The following NIN variants were observed in gnomAD, a reference collection of about 807,000 sequenced individuals.
NIN encodes the protein glycogen synthase kinase 3 beta-interacting protein.
In NIN, 137 loss-of-function variants were observed where a neutral mutation model predicts 257.6. That is an observed-to-expected ratio of 0.53 (90% CI 0.46 to 0.61). The LOEUF (loss-of-function observed/expected upper bound fraction) is 0.61. Among genes scored for constraint, NIN ranks in the 20% least tolerant of loss-of-function variants. NIN has a pLI of 0.00. For synonymous variants in NIN, 918 were observed against 919.8 expected, an observed-to-expected ratio of 1.00 and a Z score of 0.04; for missense variants, 2,439 against 2,501.2, an observed-to-expected ratio of 0.98 and a Z score of 0.53.
At chr14:50,794,580 A>G (rs2043751690) in intron 4 of NIN, 1 of 515,118 alleles carries the variant, frequency 1.9e-6, no homozygotes, top group African/African-American at 2.1e-5. Context: ...ATATTCTTAA[A>G]TTTTGGTGGC....
chr14:50,792,636 T>C, intron 5 of NIN, 76 bp downstream of exon 5: 1 of 1,525,826 alleles, frequency 6.6e-7, no homozygotes. Context: ...CCCCCTCAGC[T>C]CCCCTGTCTC....
At chr14:50,749,159 C>T (rs1447816196) in intron 21 of NIN, among the ~76,000 whole-genome samples, 2 of 152,204 alleles carry the variant, frequency 1.3e-5, no homozygotes, top group African/African-American at 2.4e-5. Context: ...TAACACTACA[C>T]ATCTGCAACC....
At chr14:50,829,703 T>G (rs1253021574) in intron 2 of NIN, among the ~76,000 whole-genome samples, 4 of 152,374 alleles carry the variant, frequency 2.6e-5, no homozygotes, top group South Asian at 4.1e-4. Context: ...ACATGATATA[T>G]GGTAGGGCAG....
At chr14:50,765,159 C>T (rs1171812884) in intron 14 of NIN, among the ~76,000 whole-genome samples, 1 of 151,790 alleles carries the variant, frequency 6.6e-6, no homozygotes, top group South Asian at 2.1e-4. Context: ...ACTGCTTGAA[C>T]CCAGGAGGTG....
intron 2 of NIN, among the ~76,000 whole-genome samples, chr14:50,824,975 G>A (rs373101867): frequency 4.6e-5 from 7 of 152,306 alleles, no homozygotes; most frequent in South Asian, 4.1e-4. Context: ...CACAAACTTC[G>A]ACTGCATTGT....
intron 3 of NIN, among the ~76,000 whole-genome samples, chr14:50,809,382 A>G (rs371810179): frequency 6.6e-6 from 1 of 152,090 alleles, no homozygotes; most frequent in Non-Finnish European, 1.5e-5. Flanking sequence ...CATCAAAGAA[A>G]CTGATCCAGT....
At chr14:50,743,367 A>C in intron 24 of NIN, 49 bp downstream of exon 24, 2 of 1,158,812 alleles carry the variant, frequency 1.7e-6, no homozygotes, top group East Asian at 4.7e-5. Flanking sequence ...CTGTTGGAAG[A>C]TCTAGGAGAA....
rs1011627222 is a variant in NIN, at chr14:50,829,060, C to A, written c.-22+1404G>T. 3.3e-5 allele frequency among the ~76,000 whole-genome samples: 5 copies of A among 152,202 alleles called. No individual in the cohort carries two copies. The South Asian group carries it at 6.2e-4, about 19-fold the overall frequency. On this transcript the variant is annotated intron_variant, in intron 2 of 30. Coordinates refer to ENST00000530997, the MANE Select transcript of NIN (RefSeq NM_020921.4). ...CCGATGTCCAACCCTGTGGAACATTCATCCTACCTTTTCCCCACTCTGCAG... is the reference window on the plus strand; with the variant it reads ...CCGATGTCCAACCCTGTGGAACATTAATCCTACCTTTTCCCCACTCTGCAG...
In NIN at chr14:50,757,072, C is replaced by T; in HGVS notation, c.3958G>A (p.Gly1320Arg). 1 of 1,613,460 alleles carries T rather than the reference C, an allele frequency of 6.2e-7. No individual in the cohort carries two copies. Among genetic ancestry groups the T allele is most frequent in the Non-Finnish European group, 8.5e-7 (1 of 1,179,842 alleles). Residue 1320 changes from glycine (G) to arginine (R), a missense_variant, in exon 18 of 31, where the codon GGG (glycine) becomes AGG (arginine). This residue lies in a region of NIN where 2,043 missense variants were observed against 2,050.2 expected (regional missense o/e 1.00). Coordinates refer to ENST00000530997, the MANE Select transcript of NIN (RefSeq NM_020921.4). ...AGTCTCAAAACCAGAACATTCAGCC[C>T]CTCATTTTCTATTTTGACCTCATCG... ...SYDEVKIENE[G>R]LNVLVLRLQG...
At chr14:50,734,887 T>C (rs1312343784) in intron 28 of NIN, among the ~76,000 whole-genome samples, 4 of 150,600 alleles carry the variant, frequency 2.7e-5, no homozygotes, top group Middle Eastern at 3.2e-3. Flanking sequence ...GGTTTCGCCA[T>C]GTTGCCCAGG....
intron 4 of NIN, among the ~76,000 whole-genome samples, chr14:50,802,277 GTGT>G (rs1417167323): frequency 8.5e-5 from 13 of 152,228 alleles, no homozygotes; most frequent in Non-Finnish European, 1.3e-4. Context: ...ATTTTTCACT[GTGT>G]TGTTATTATT....
chr14:50,773,007 G>A lies in NIN; in HGVS notation c.755C>T (p.Ser252Phe). 6.2e-7 allele frequency: 1 copy of A among 1,613,122 alleles called. No individual in the cohort carries two copies. The highest frequency in any genetic ancestry group is 8.5e-7 in the Non-Finnish European group (1 of 1,179,230). The change falls in exon 8 of 31, where the codon TCT becomes TTT. Residue 252 changes from serine (S) to phenylalanine (F), a missense_variant. Coordinates refer to ENST00000530997, the MANE Select transcript of NIN (RefSeq NM_020921.4). ...TGGAGTAGATGCTGATGGTGTAAGA[G>A]ATTTTCCATTTTTAAACAAACCATA... ...FFYGLFKNGK[S>F]LTPSASTPYR... is the part of the protein sequence containing the mutation.
In NIN at chr14:50,719,999, G is replaced by C. The variant is rs953931651; in HGVS notation, c.*3464C>G. On this transcript the variant is annotated 3_prime_UTR_variant, in exon 31 of 31. Coordinates refer to ENST00000530997, the MANE Select transcript of NIN (RefSeq NM_020921.4). ...CCTTCACAAACCAATGTTCCCTTAA[G>C]TCATGCCATGATAATGTCTCCCCAT... The C allele has an allele frequency of 9.2e-6, 2 of 216,670 alleles. No individual in the cohort carries two copies. Among genetic ancestry groups the C allele is most frequent in the Admixed American group, 5.8e-5 (1 of 17,160 alleles). The allele number at this position is 216,670 out of a possible 1,614,324, so 13.4% of individuals were successfully genotyped here.
intron 11 of NIN, 80 bp downstream of exon 11, chr14:50,770,772 G>A: frequency 6.6e-7 from 1 of 1,510,746 alleles, no homozygotes; most frequent in South Asian, 1.3e-5. Flanking sequence ...CCAGTGCACT[G>A]TTCTGCCCCT....
At chr14:50,733,415 G>A (rs1277186902) in intron 28 of NIN, among the ~76,000 whole-genome samples, 5 of 152,142 alleles carry the variant, frequency 3.3e-5, no homozygotes, top group Admixed American at 3.3e-4. Context: ...ATTTCCTAAT[G>A]AAAGTTTCAT....
intron 3 of NIN, among the ~76,000 whole-genome samples, chr14:50,809,889 C>A (rs2044501446): frequency 6.6e-6 from 1 of 151,976 alleles, no homozygotes; most frequent in Non-Finnish European, 1.5e-5. Flanking sequence ...TACAGACAAC[C>A]AGGAAAGAAA....
chr14:50,793,970 G>T (rs1595883707), intron 4 of NIN, among the ~76,000 whole-genome samples: 3 of 152,154 alleles, frequency 2.0e-5, no homozygotes, highest in East Asian at 3.9e-4. Flanking sequence ...TATGTATTCT[G>T]TTTGAACATG....
intron 5 of NIN, among the ~76,000 whole-genome samples, chr14:50,785,813 C>T (rs1376498512): frequency 6.6e-6 from 1 of 152,226 alleles, no homozygotes; most frequent in Non-Finnish European, 1.5e-5. Context: ...TGCAGGGACA[C>T]ACTTCCTGGG....
chr14:50,739,528 T>G, intron 25 of NIN, 41 bp from the exon 26 acceptor site: 1 of 1,587,774 alleles, frequency 6.3e-7, no homozygotes, highest in African/African-American at 1.4e-5. Context: ...AAACAAGCTA[T>G]TGGGTAATTG....
Sources: allele counts gnomAD v4.1 joint callset (sites outside exome capture counted in the v4.1 genomes callset), GRCh38; gene constraint gnomAD v4.1.1; regional missense constraint gnomAD v4.1.1; transcripts MANE v1.5; gene names NCBI Gene and HGNC (gene_info 2026-07-23, HGNC 2026-07-21).